Variants in SUMF1 observed in about 807,000 individuals in gnomAD.
SUMF1 encodes the protein formylglycine-generating enzyme.
Under a neutral mutation model 47.6 loss-of-function variants are expected in SUMF1, and 48 were observed. The observed-to-expected ratio is 1.01, with a 90% CI of 0.80 to 1.28. The LOEUF (loss-of-function observed/expected upper bound fraction) is 1.28. SUMF1 is among the 50% of genes most tolerant of loss of function. SUMF1 has a pLI of 0.00. For missense variants in SUMF1, 571 were observed against 485.4 expected (o/e 1.18, Z -1.66); for synonymous variants, 230 against 192.1 (o/e 1.20, Z -1.63).
At chr3:4,208,916 A>C (rs1695714270) in intron 8 of SUMF1, among the ~76,000 whole-genome samples, 2 of 152,162 alleles carry the variant, frequency 1.3e-5, no homozygotes, top group Admixed American at 1.3e-4. Flanking sequence ...ATATTTTGTT[A>C]AGGATTTTTG....
chr3:4,216,859 A>C (rs901862576), intron 8 of SUMF1, among the ~76,000 whole-genome samples: 1 of 152,214 alleles, frequency 6.6e-6, no homozygotes, highest in African/African-American at 2.4e-5. Context: ...AAAAGTCAGG[A>C]AACAACAGAT....
At chr3:4,037,515 T>A (rs1694820499) in intron 9 of SUMF1, among the ~76,000 whole-genome samples, 1 of 152,218 alleles carries the variant, frequency 6.6e-6, no homozygotes, top group Non-Finnish European at 1.5e-5. Flanking sequence ...TTCTATCAGA[T>A]TCTTTTTTAT....
At chr3:4,146,279 G>T (rs1694191393) in intron 8 of SUMF1, among the ~76,000 whole-genome samples, 2 of 151,994 alleles carry the variant, frequency 1.3e-5, no homozygotes, top group South Asian at 4.1e-4. Context: ...AAGGGAGATG[G>T]TAAGAACAGA....
chr3:4,243,065 A>C (rs983912560), intron 8 of SUMF1, among the ~76,000 whole-genome samples: 1 of 152,120 alleles, frequency 6.6e-6, no homozygotes, highest in African/African-American at 2.4e-5. Context: ...TGTTTATAGT[A>C]TTCTCTGATG....
intron 8 of SUMF1, among the ~76,000 whole-genome samples, chr3:4,180,188 T>G (rs1360503430): frequency 6.6e-6 from 1 of 152,188 alleles, no homozygotes; most frequent in Non-Finnish European, 1.5e-5. Flanking sequence ...GCAATCCCAT[T>G]ACTGGGTACA....
At chr3:4,196,307 T>C (rs1695428441) in intron 8 of SUMF1, among the ~76,000 whole-genome samples, 1 of 151,786 alleles carries the variant, frequency 6.6e-6, no homozygotes, top group South Asian at 2.1e-4. Flanking sequence ...TATTGAGGAG[T>C]CTATCTCTAA....
chr3:4,362,331 C>A, intron 8 of SUMF1, 77 bp from the exon 9 acceptor site: 1 of 1,221,872 alleles, frequency 8.2e-7, no homozygotes, highest in Admixed American at 1.7e-5. Flanking sequence ...ATGCATATTG[C>A]ACCGGCTGTA....
intron 8 of SUMF1, among the ~76,000 whole-genome samples, chr3:4,304,570 C>T (rs1198122753): frequency 6.6e-6 from 1 of 152,190 alleles, no homozygotes; most frequent in East Asian, 1.9e-4. Flanking sequence ...GCTTAGACAT[C>T]TTAGCTACTT....
intron 8 of SUMF1, among the ~76,000 whole-genome samples, chr3:4,285,567 G>A (rs574538669): frequency 6.6e-6 from 1 of 152,240 alleles, no homozygotes; most frequent in South Asian, 2.1e-4. Context: ...CAACTTGTAT[G>A]TAATATTAAC....
intron 8 of SUMF1, among the ~76,000 whole-genome samples, chr3:4,112,450 T>C (rs1442931541): frequency 5.3e-5 from 8 of 152,140 alleles, no homozygotes. Flanking sequence ...TGAGAAGAAA[T>C]TGTAAAAAGA....
At chr3:4,156,185 G>A (rs1007743969) in intron 8 of SUMF1, among the ~76,000 whole-genome samples, 1 of 151,404 alleles carries the variant, frequency 6.6e-6, no homozygotes, top group Non-Finnish European at 1.5e-5. Context: ...AGGAGTCATA[G>A]GAATTTTAAT....
At chr3:4,228,101 A>T (rs1184384808) in intron 8 of SUMF1, among the ~76,000 whole-genome samples, 2 of 152,048 alleles carry the variant, frequency 1.3e-5, no homozygotes, top group Non-Finnish European at 2.9e-5. Flanking sequence ...GTGTGGTGGG[A>T]GAGGAGGGGA....
intron 8 of SUMF1, among the ~76,000 whole-genome samples, chr3:4,363,316 C>G (rs1425679378): frequency 6.6e-6 from 1 of 152,160 alleles, no homozygotes; most frequent in African/African-American, 2.4e-5. Context: ...CTAGGAACAT[C>G]AAACATAGGA....
At position 4,242,665 on chromosome 3, in the gene SUMF1, T is replaced by C. The variant is rs886364175; in HGVS notation, c.1014+133665A>G. On this transcript the variant is annotated intron_variant and NMD_transcript_variant, in intron 8 of 12. Transcript: ENST00000448413. ...ATAAGCTTTTTGATGTGCTGCTGGA[T>C]TCAGTTTGCCAGTATTTTATTGAGG... is the stretch of plus-strand genomic sequence containing the variant. Among the ~76,000 whole-genome samples, 9 of 152,190 alleles carry C rather than the reference T, an allele frequency of 5.9e-5. 1 individual carries two copies. Among genetic ancestry groups the C allele is most frequent in the African/African-American group, 2.2e-4 (9 of 41,444 alleles).
chr3:4,118,260 C>A (rs1693465109), intron 8 of SUMF1, among the ~76,000 whole-genome samples: 2 of 151,510 alleles, frequency 1.3e-5, no homozygotes, highest in Non-Finnish European at 2.9e-5. Context: ...AAAAAAGGAA[C>A]AGGATACATG....
intron 8 of SUMF1, among the ~76,000 whole-genome samples, chr3:4,116,424 C>A (rs957719749): frequency 6.6e-6 from 1 of 151,896 alleles, no homozygotes; most frequent in East Asian, 1.9e-4. Context: ...CCCATAGAAA[C>A]CCTAAATTTT....
chr3:4,230,177 C>T (rs1575000211), intron 8 of SUMF1, among the ~76,000 whole-genome samples: 1 of 151,942 alleles, frequency 6.6e-6, no homozygotes. Flanking sequence ...TCTTTCCTTA[C>T]AGCAACCAAT....
At chr3:4,270,397 CTCTCTCTCTCTT>C (rs1311976737) in intron 8 of SUMF1, among the ~76,000 whole-genome samples, 2 of 151,536 alleles carry the variant, frequency 1.3e-5, no homozygotes, top group Non-Finnish European at 2.9e-5. Flanking sequence ...TCTCTCTTTG[CTCTCTCTCTCTT>C]TCTCTCTCTC....
At chr3:4,384,852 T>C (rs867383753) in intron 7 of SUMF1, among the ~76,000 whole-genome samples, 5 of 152,132 alleles carry the variant, frequency 3.3e-5, no homozygotes, top group East Asian at 1.9e-4. Flanking sequence ...GGAGGGAATA[T>C]AGTGGTCGAA....
Sources: allele counts gnomAD v4.1 joint callset (sites outside exome capture counted in the v4.1 genomes callset), GRCh38; gene constraint gnomAD v4.1.1; transcripts MANE v1.5; gene names NCBI Gene and HGNC (gene_info 2026-07-23, HGNC 2026-07-21).